Variants in EFL1 observed in about 807,000 individuals in gnomAD.
The protein encoded by EFL1 is elongation factor like GTPase 1.
EFL1 carries 76 observed loss-of-function variants against 126.7 expected under a neutral mutation model. The ratio of observed to expected loss-of-function variants is 0.60; its 90% CI spans 0.50 to 0.73. The LOEUF is 0.73. Among genes scored for constraint, EFL1 ranks in the 30% least tolerant of loss-of-function variants. EFL1 has a pLI of 0.00. For synonymous variants in EFL1, 410 were observed against 448.4 expected (o/e 0.91, Z 1.08); for missense variants, 1,128 against 1,343.2 (o/e 0.84, Z 2.50).
At chr15:82,240,644 T>C in intron 5 of EFL1, 89 bp from the exon 6 acceptor site, 2 of 1,463,500 alleles carry the variant, frequency 1.4e-6, no homozygotes, top group South Asian at 2.6e-5. Flanking sequence ...CACTCTAGAC[T>C]ATGCCAGTCA....
At chr15:82,195,976 G>A (rs974515629) in intron 15 of EFL1, among the ~76,000 whole-genome samples, 7 of 152,186 alleles carry the variant, frequency 4.6e-5, no homozygotes, top group African/African-American at 7.2e-5. Context: ...TCTGTCTGAC[G>A]CAGTTGGGGA....
At chr15:82,130,900 T>C (rs987479839) in intron 19 of EFL1, among the ~76,000 whole-genome samples, 1 of 152,022 alleles carries the variant, frequency 6.6e-6, no homozygotes, top group Non-Finnish European at 1.5e-5. Context: ...CTGTAGTCCC[T>C]GCTACTAGGG....
chr15:82,216,491 C>A (rs1174991133), intron 14 of EFL1, among the ~76,000 whole-genome samples: 2 of 152,012 alleles, frequency 1.3e-5, no homozygotes, highest in Non-Finnish European at 2.9e-5. Flanking sequence ...GAAGACAGCA[C>A]TGAATAGAGA....
At chr15:82,228,707 C>T (rs1241905232) in intron 9 of EFL1, among the ~76,000 whole-genome samples, 1 of 152,176 alleles carries the variant, frequency 6.6e-6, no homozygotes, top group African/African-American at 2.4e-5. Context: ...ATTAATGATC[C>T]TAGCTATCAA....
intron 19 of EFL1, among the ~76,000 whole-genome samples, chr15:82,133,851 A>G (rs2073688843): frequency 6.6e-6 from 1 of 152,190 alleles, no homozygotes; most frequent in South Asian, 2.1e-4. Context: ...AGAGACTGCA[A>G]TGAGCGAGAA....
At chr15:82,208,944 C>T (rs2074554270) in intron 15 of EFL1, among the ~76,000 whole-genome samples, 1 of 151,848 alleles carries the variant, frequency 6.6e-6, no homozygotes, top group Admixed American at 6.6e-5. Flanking sequence ...GTACCATATT[C>T]TTATAAGCAA....
intron 18 of EFL1, among the ~76,000 whole-genome samples, chr15:82,149,334 T>C (rs2073883589): frequency 6.6e-6 from 1 of 152,194 alleles, no homozygotes; most frequent in Non-Finnish European, 1.5e-5. Flanking sequence ...TTCTACAGTC[T>C]AGTCAATTAC....
At chr15:82,138,896 C>T in intron 18 of EFL1, 54 bp from the exon 19 acceptor site, 1 of 1,527,144 alleles carries the variant, frequency 6.5e-7, no homozygotes, top group Non-Finnish European at 8.9e-7. Context: ...GCTTGAGCCA[C>T]ACCAAGACAT....
At chr15:82,256,173 C>T (rs1231469723) in intron 3 of EFL1, among the ~76,000 whole-genome samples, 1 of 152,124 alleles carries the variant, frequency 6.6e-6, no homozygotes, top group Non-Finnish European at 1.5e-5. Context: ...AGTGCAGTTG[C>T]TGTCACAGCT....
intron 15 of EFL1, among the ~76,000 whole-genome samples, chr15:82,200,769 G>A (rs1164079713): frequency 1.3e-5 from 2 of 152,182 alleles, no homozygotes; most frequent in African/African-American, 4.8e-5. Flanking sequence ...AATAAGAAAT[G>A]TTCAGACCAA....
chr15:82,190,632 T>C (rs2074349704), intron 15 of EFL1, among the ~76,000 whole-genome samples: 1 of 152,166 alleles, frequency 6.6e-6, no homozygotes, highest in South Asian at 2.1e-4. Context: ...GCCATGTTAG[T>C]GATCCAATAA....
intron 6 of EFL1, 62 bp from the exon 7 acceptor site, chr15:82,238,583 A>G: frequency 5.0e-6 from 7 of 1,388,312 alleles, no homozygotes; most frequent in Non-Finnish European, 7.0e-6. Flanking sequence ...ACGGCAGGAG[A>G]AACACTGTTT....
intron 14 of EFL1, among the ~76,000 whole-genome samples, chr15:82,218,714 A>G (rs561622178): frequency 1.7e-3 from 256 of 152,338 alleles, no homozygotes; most frequent in Non-Finnish European, 2.7e-3. Flanking sequence ...CAAGTGCTGC[A>G]ATCTTTCTTG....
chr15:82,171,192 T>G (rs1251253305), intron 15 of EFL1, among the ~76,000 whole-genome samples: 2 of 152,194 alleles, frequency 1.3e-5, no homozygotes. Flanking sequence ...AAAGAAAAGC[T>G]GAATGAGTAG....
chr15:82,259,818 T>C (rs1442491750), intron 2 of EFL1, among the ~76,000 whole-genome samples: 2 of 152,322 alleles, frequency 1.3e-5, no homozygotes, highest in Non-Finnish European at 2.9e-5. Context: ...AAGTCTTTAT[T>C]GCACTTTAGG....
chr15:82,156,825 C>T (rs182544659), intron 17 of EFL1, among the ~76,000 whole-genome samples: 163 of 152,226 alleles, frequency 1.1e-3, no homozygotes, highest in African/African-American at 3.8e-3. Flanking sequence ...ATTTTTTCTA[C>T]TAGTAAGCAC....
At chr15:82,200,127 A>G (rs1335456191) in intron 15 of EFL1, among the ~76,000 whole-genome samples, 1 of 152,240 alleles carries the variant, frequency 6.6e-6, no homozygotes, top group Non-Finnish European at 1.5e-5. Context: ...ACACCTATGC[A>G]TCGGGAAAAA....
At chr15:82,195,752 C>T (rs907908963) in intron 15 of EFL1, among the ~76,000 whole-genome samples, 1 of 152,188 alleles carries the variant, frequency 6.6e-6, no homozygotes, top group Non-Finnish European at 1.5e-5. Context: ...AGCACACAGT[C>T]ATTCATTTAT....
intron 2 of EFL1, 68 bp downstream of exon 2, chr15:82,261,620 T>C (rs2075119514): frequency 7.0e-7 from 1 of 1,435,784 alleles, no homozygotes; most frequent in Admixed American, 1.9e-5. Flanking sequence ...ACAGCTTCAC[T>C]CCACTGAGAC....
Sources: gnomAD v4.1 joint callset for allele counts (sites outside exome capture counted in the v4.1 genomes callset) on GRCh38, gnomAD v4.1.1 for gene constraint, MANE v1.5 for transcripts, NCBI Gene and HGNC (gene_info 2026-07-23, HGNC 2026-07-21) for gene names.